EEF1AKMT4: variants seen among roughly 807,000 people sequenced by gnomAD.
EEF1AKMT4 encodes the protein EEF1A lysine methyltransferase 4, also known as eukaryotic translation elongation factor 1 alpha lysine specific methyltransferase 4.
A neutral mutation model predicts 23.0 loss-of-function variants in EEF1AKMT4; 17 were observed. The ratio of observed to expected loss-of-function variants is 0.74; its 90% CI spans 0.51 to 1.11. The LOEUF (loss-of-function observed/expected upper bound fraction) is 1.11, where lower values mean the gene tolerates loss of function less well. Among genes scored for constraint, EEF1AKMT4 ranks in the 50% least tolerant of loss-of-function variants. The pLI is 0.00. For synonymous variants in EEF1AKMT4, 140 were observed against 141.4 expected (o/e 0.99, Z 0.07); for missense variants, 318 against 333.4 (o/e 0.95, Z 0.36).
chr3:184,250,528 GC>G (rs1719489322), intron 1 of EEF1AKMT4, among the ~76,000 whole-genome samples: 1 of 152,202 alleles, frequency 6.6e-6, no homozygotes, highest in African/African-American at 2.4e-5. Flanking sequence ...GGGGTGTTCG[GC>G]TGACCTCTTG....
intron 1 of EEF1AKMT4, among the ~76,000 whole-genome samples, chr3:184,251,427 GGAGGCT>G (rs1255363408): frequency 6.6e-6 from 1 of 152,166 alleles, no homozygotes; most frequent in Non-Finnish European, 1.5e-5. Flanking sequence ...CAGGTACTTG[GGAGGCT>G]GAGGCAGGAG....
intron 1 of EEF1AKMT4, among the ~76,000 whole-genome samples, chr3:184,250,483 C>T (rs976500444): frequency 6.6e-6 from 1 of 152,102 alleles, no homozygotes; most frequent in African/African-American, 2.4e-5. Context: ...TACGATTCCC[C>T]AAAGGGAGAC....
At chr3:184,257,176 C>T (rs1161168593) in intron 1 of EEF1AKMT4, among the ~76,000 whole-genome samples, 1 of 147,152 alleles carries the variant, frequency 6.8e-6, no homozygotes, top group African/African-American at 2.5e-5. Flanking sequence ...CACCACTGTA[C>T]TCCAGCCTGG....
Position 184,249,706 on chromosome 3 carries a change from A to C in EEF1AKMT4, c.12A>C (p.Pro4=), listed in dbSNP as rs753528254. 2.5e-6 allele frequency: 4 copies of C among 1,607,478 alleles called. No homozygotes were observed. Among genetic ancestry groups the C allele is most frequent in the Non-Finnish European group, 2.6e-6 (3 of 1,176,124 alleles). ...CGGCGGTTGAGAGCATGGCCTCTCC[A>C]GGGGCAGGTAGGGCGCCTCCGGAGT... MAS[P]GAGRAPPELP... is the part of the protein sequence containing the mutation. The change falls in exon 1 of 3, where the codon CCA becomes CCC. Residue 4 remains proline, a synonymous_variant. Transcript: ENST00000324557.
chr3:184,254,909 T>C (rs1230214928), intron 1 of EEF1AKMT4, among the ~76,000 whole-genome samples: 1 of 152,200 alleles, frequency 6.6e-6, no homozygotes, highest in African/African-American at 2.4e-5. Flanking sequence ...GGATCAATTC[T>C]CCAAGGCTCT....
chr3:184,256,272 CAAA>C lies in EEF1AKMT4; in HGVS notation c.197-1185_197-1183del, dbSNP rs59087969. On this transcript the variant is annotated intron_variant, in intron 1 of 2. Transcript: ENST00000324557. ...GGGCAACAAGAGTGAAACTCCATCTCAAAAAAAAAAAAAAAAAAGAAAAGAAAA... is the reference window on the plus strand; with the variant it reads ...GGGCAACAAGAGTGAAACTCCATCTCAAAAAAAAAAAAAAAGAAAAGAAAA... 1.7e-3 allele frequency among the ~76,000 whole-genome samples: 92 copies of C among 54,196 alleles called. 1 individual carries two copies. The highest frequency in any genetic ancestry group is 5.6e-3 in the African/African-American group (85 of 15,134). 35.6% of individuals were successfully genotyped at this position (54,196 alleles called of 152,430 possible).
intron 1 of EEF1AKMT4, among the ~76,000 whole-genome samples, chr3:184,253,529 T>C (rs549886885): frequency 3.9e-5 from 6 of 152,246 alleles, no homozygotes; most frequent in Non-Finnish European, 7.4e-5. Flanking sequence ...TTGAACACAG[T>C]GGTTTAAGAG....
In EEF1AKMT4 at chr3:184,258,289, T is replaced by C. The variant is rs1719903038; in HGVS notation, c.482T>C (p.Val161Ala). ...VHTVDQVLSEVSRVLVPGGRF... is the reference protein window; with the variant it reads ...VHTVDQVLSEASRVLVPGGRF... ...ATGGCTTCTCTGTCTGCCTTGCAGG[T>C]GAGCCGCGTGCTTGTCCCTGGAGGC... The change falls in exon 3 of 3, where the codon GTG (valine) becomes GCG (alanine). Residue 161 changes from valine to alanine, a missense_variant and splice_region_variant. Transcript: ENST00000324557. 1 of 1,607,692 alleles carries C rather than the reference T, an allele frequency of 6.2e-7. No homozygotes were observed. The highest frequency in any genetic ancestry group is 1.3e-5 in the African/African-American group (1 of 74,946).
Position 184,258,665 on chromosome 3 carries a change from C to G in EEF1AKMT4, c.*90C>G. 1.3e-6 allele frequency: 2 copies of G among 1,502,258 alleles called. No homozygotes were observed. The highest frequency in any genetic ancestry group is 1.8e-6 in the Non-Finnish European group (2 of 1,130,040). The allele number at this position is 1,502,258 out of a possible 1,614,324, so 93.1% of individuals were successfully genotyped here. A position where few individuals can be genotyped will look rare whatever the true frequency, so the allele number is the denominator to read the frequency against. ...CCTGACTTAGGACTTGGGGTTGGGT[C>G]CAAGGTGCTTACATCCCAGGGGCCT... On this transcript the variant is annotated 3_prime_UTR_variant, in exon 3 of 3. Coordinates refer to ENST00000324557, the MANE Select transcript of EEF1AKMT4 (RefSeq NM_032331.4).
chr3:184,256,724 G>A (rs1328133410), intron 1 of EEF1AKMT4, among the ~76,000 whole-genome samples: 2 of 151,006 alleles, frequency 1.3e-5, no homozygotes, highest in East Asian at 2.0e-4. Flanking sequence ...AGGCTAGAGT[G>A]CAATGGCACA....
chr3:184,258,461 T>G lies in EEF1AKMT4; in HGVS notation c.654T>G (p.Ser218Arg). The part of the protein sequence containing the change: ...LYLMHKGGKL[S>R]VAQLALGAQI... ...TCATGCACAAGGGCGGGAAGCTCAG[T>G]GTGGCCCAGCTGGCTCTGGGGGCCC... Residue 218 changes from serine (S) to arginine (R), a missense_variant, in exon 3 of 3, where the codon AGT becomes AGG. Physicochemically the swap from Ser to Arg is moderately radical, Grantham distance 110. Coordinates refer to ENST00000324557, the MANE Select transcript of EEF1AKMT4 (RefSeq NM_032331.4). 6.2e-7 allele frequency: 1 copy of G among 1,613,878 alleles called. No homozygotes were observed.
At position 184,256,922 on chromosome 3, in the gene EEF1AKMT4, G is replaced by A. The variant is rs368940809; in HGVS notation, c.197-551G>A. 3.7e-3 allele frequency among the ~76,000 whole-genome samples: 555 copies of A among 152,054 alleles called. 2 individuals are homozygous for A. Among genetic ancestry groups the A allele is most frequent in the African/African-American group, 0.011 (459 of 41,498 alleles). On this transcript the variant is annotated intron_variant, in intron 1 of 2. Transcript: ENST00000324557. ...TGACCTCAGGTGACCCGCCCTCCTC[G>A]GCCTCCCAAAGTGCTGGGATTACAG...
At chr3:184,256,280 A>AAAAAAAAAAAAG (rs1341619311) in intron 1 of EEF1AKMT4, among the ~76,000 whole-genome samples, 1 of 150,002 alleles carries the variant, frequency 6.7e-6, no homozygotes, top group Admixed American at 6.6e-5. Context: ...CTCAAAAAAA[A>AAAAAAAAAAAAG]AAAAAAAAAA....
chr3:184,252,406 C>G (rs1719599381), intron 1 of EEF1AKMT4, among the ~76,000 whole-genome samples: 1 of 152,178 alleles, frequency 6.6e-6, no homozygotes, highest in Admixed American at 6.5e-5. Flanking sequence ...CCTCAACAGA[C>G]TTAAGTTGAG....
At chr3:184,255,700 C>G (rs1405152140) in intron 1 of EEF1AKMT4, among the ~76,000 whole-genome samples, 1 of 152,220 alleles carries the variant, frequency 6.6e-6, no homozygotes, top group Non-Finnish European at 1.5e-5. Flanking sequence ...TGACCCTACC[C>G]CCTTTGGGAC....
At chr3:184,256,272 C>CAGAAAAAAAAAA (rs1323118764) in intron 1 of EEF1AKMT4, among the ~76,000 whole-genome samples, 5 of 54,206 alleles carry the variant, frequency 9.2e-5, no homozygotes, top group African/African-American at 3.3e-4. Flanking sequence ...AACTCCATCT[C>CAGAAAAAAAAAA]AAAAAAAAAA....
At chr3:184,255,656 A>G (rs946373556) in intron 1 of EEF1AKMT4, among the ~76,000 whole-genome samples, 3 of 152,198 alleles carry the variant, frequency 2.0e-5, no homozygotes, top group African/African-American at 7.2e-5. Flanking sequence ...ATAGATCCAC[A>G]TCCACTCCTC....
intron 1 of EEF1AKMT4, among the ~76,000 whole-genome samples, chr3:184,251,175 T>G (rs1259418810): frequency 6.7e-6 from 1 of 149,796 alleles, no homozygotes; most frequent in Admixed American, 6.6e-5. Context: ...GAGGCCAAGG[T>G]GGAAGGATCA....
At chr3:184,253,443 A>G (rs543110236) in intron 1 of EEF1AKMT4, among the ~76,000 whole-genome samples, 18 of 152,286 alleles carry the variant, frequency 1.2e-4, no homozygotes, top group African/African-American at 4.3e-4. Context: ...ATTATAGCCT[A>G]ATGGTCATAT....
Sources: gnomAD v4.1 joint callset for allele counts (sites outside exome capture counted in the v4.1 genomes callset) on GRCh38, gnomAD v4.1.1 for gene constraint, MANE v1.5 for transcripts, NCBI Gene and HGNC (gene_info 2026-07-23, HGNC 2026-07-21) for gene names.